The following SOX6 variants were observed in gnomAD, a reference collection of about 807,000 sequenced individuals.
SOX6 encodes the protein transcription factor SOX-6.
A neutral mutation model predicts 97.8 loss-of-function variants in SOX6; 11 were observed. That is an observed-to-expected ratio of 0.11 (90% CI 0.07 to 0.19). The LOEUF (loss-of-function observed/expected upper bound fraction) is 0.19, where lower values mean the gene tolerates loss of function less well. Among genes scored for constraint, SOX6 ranks in the 10% least tolerant of loss-of-function variants. The pLI is 1.00. For synonymous variants in SOX6, 360 were observed against 371.4 expected, an observed-to-expected ratio of 0.97 and a Z score of 0.35; for missense variants, 810 against 1,039.5, an observed-to-expected ratio of 0.78 and a Z score of 3.04.
intron 2 of SOX6, among the ~76,000 whole-genome samples, chr11:16,321,482 AT>A (rs144478799): frequency 0.046 from 7,060 of 151,896 alleles, 221 homozygotes; most frequent in Non-Finnish European, 0.074. Flanking sequence ...AAAGAGTACC[AT>A]TTTTTTTCTA....
intron 6 of SOX6, among the ~76,000 whole-genome samples, chr11:16,175,662 G>A (rs1418728417): frequency 6.6e-6 from 1 of 151,770 alleles, no homozygotes; most frequent in Non-Finnish European, 1.5e-5. Context: ...ATGTCTTAAA[G>A]TTTTAAAAAA....
chr11:16,390,434 G>T (rs1858138240), intron 1 of SOX6, among the ~76,000 whole-genome samples: 1 of 152,080 alleles, frequency 6.6e-6, no homozygotes, highest in Non-Finnish European at 1.5e-5. Context: ...GTCCATAGTT[G>T]TTACCCTCAC....
At chr11:16,624,184 TTTTA>T (rs142553542) in intron 3 of SOX6, among the ~76,000 whole-genome samples, 2 of 147,330 alleles carry the variant, frequency 1.4e-5, no homozygotes, top group African/African-American at 5.0e-5. Context: ...TATTTTTTTA[TTTTA>T]TTTATTTATT....
chr11:16,514,063 T>A (rs1565168161), intron 4 of SOX6, among the ~76,000 whole-genome samples: 1 of 151,940 alleles, frequency 6.6e-6, no homozygotes, highest in South Asian at 2.1e-4. Context: ...AAAATTATTT[T>A]AAATTAGCCA....
At chr11:16,321,150 T>C (rs567807941) in intron 2 of SOX6, among the ~76,000 whole-genome samples, 41 of 151,658 alleles carry the variant, frequency 2.7e-4, no homozygotes, top group Non-Finnish European at 5.1e-4. Context: ...AACCTCTTAA[T>C]AAAGTCCGTA....
chr11:16,325,732 T>C (rs1264738839), intron 2 of SOX6, among the ~76,000 whole-genome samples: 1 of 152,144 alleles, frequency 6.6e-6, no homozygotes, highest in Non-Finnish European at 1.5e-5. Context: ...AGATACTTAT[T>C]GCTATGGTTT....
intron 3 of SOX6, among the ~76,000 whole-genome samples, chr11:16,634,069 A>C (rs1234573418): frequency 1.3e-5 from 2 of 152,208 alleles, no homozygotes; most frequent in African/African-American, 4.8e-5. Flanking sequence ...CAGATGCTGA[A>C]ATTATCAGAC....
chr11:16,634,715 T>C (rs569424097), intron 3 of SOX6, among the ~76,000 whole-genome samples: 22 of 152,320 alleles, frequency 1.4e-4, no homozygotes, highest in African/African-American at 4.6e-4. Context: ...CATTGTAATG[T>C]TTAAATTTTT....
At chr11:16,291,590 A>G (rs1854921286) in intron 3 of SOX6, among the ~76,000 whole-genome samples, 1 of 151,898 alleles carries the variant, frequency 6.6e-6, no homozygotes, top group Non-Finnish European at 1.5e-5. Flanking sequence ...ATAATATAGG[A>G]CCTACATATG....
intron 1 of SOX6, among the ~76,000 whole-genome samples, chr11:16,449,453 C>T (rs1054644647): frequency 2.6e-5 from 4 of 151,710 alleles, no homozygotes; most frequent in Non-Finnish European, 5.9e-5. Flanking sequence ...CTACCATGCC[C>T]GGCTAATTTT....
chr11:16,562,970 C>A (rs899558757), intron 4 of SOX6, among the ~76,000 whole-genome samples: 22 of 152,148 alleles, frequency 1.4e-4, no homozygotes, highest in Non-Finnish European at 3.1e-4. Flanking sequence ...CTAGCTAAAA[C>A]AAGTTTACAA....
At chr11:16,135,948 C>T (rs889626502) in intron 6 of SOX6, among the ~76,000 whole-genome samples, 1 of 152,188 alleles carries the variant, frequency 6.6e-6, no homozygotes, top group Non-Finnish European at 1.5e-5. Flanking sequence ...TTAACAACCA[C>T]CACCCTGACC....
At chr11:16,637,014 C>G (rs1848799977) in intron 3 of SOX6, among the ~76,000 whole-genome samples, 1 of 152,100 alleles carries the variant, frequency 6.6e-6, no homozygotes, top group Non-Finnish European at 1.5e-5. Context: ...GTCCCCTTTT[C>G]CTCTGCTAGT....
chr11:16,368,320 A>G (rs1015179010), intron 1 of SOX6, among the ~76,000 whole-genome samples: 1 of 152,118 alleles, frequency 6.6e-6, no homozygotes, highest in Non-Finnish European at 1.5e-5. Flanking sequence ...CATCTCTACA[A>G]AAAATTCAAA....
intron 3 of SOX6, among the ~76,000 whole-genome samples, chr11:16,634,491 G>T (rs1326496247): frequency 6.6e-6 from 1 of 152,126 alleles, no homozygotes; most frequent in Non-Finnish European, 1.5e-5. Context: ...GTGAAAAATA[G>T]AAATTATTTG....
chr11:16,468,012 T>A (rs1380313551), intron 1 of SOX6, among the ~76,000 whole-genome samples: 2 of 152,222 alleles, frequency 1.3e-5, no homozygotes, highest in African/African-American at 4.8e-5. Flanking sequence ...ATGATTAAGC[T>A]TATCTTCTTG....
intron 4 of SOX6, among the ~76,000 whole-genome samples, chr11:16,545,914 C>T (rs899380309): frequency 2.6e-5 from 4 of 152,050 alleles, no homozygotes; most frequent in African/African-American, 9.7e-5. Flanking sequence ...ATCATGCCAT[C>T]GCACTCCAGC....
At chr11:16,209,522 G>C (rs946716947) in intron 4 of SOX6, among the ~76,000 whole-genome samples, 11 of 152,152 alleles carry the variant, frequency 7.2e-5, no homozygotes, top group African/African-American at 2.7e-4. Context: ...TTGGGAGGCC[G>C]AAGTGGGAGG....
rs1853239024 is a variant in SOX6, at chr11:15,969,365, AT to A, written c.*3443del. 6.6e-6 allele frequency: 1 copy of A among 152,302 alleles called. No homozygotes were observed. The highest frequency in any genetic ancestry group is 3.4e-3 in the Middle Eastern group (1 of 294). The allele number at this position is 152,302 out of a possible 1,614,324, so 9.4% of individuals were successfully genotyped here. On this transcript the variant is annotated 3_prime_UTR_variant, in exon 16 of 16. Coordinates refer to ENST00000683767, the MANE Select transcript of SOX6 (RefSeq NM_001367873.1). The stretch of plus-strand genomic sequence containing the variant: ...AATGGTCACAGAACTATCTTAGAAG[AT>A]TTATGTAGACTCCCAAAGCAAACTG...
Sources: gnomAD v4.1 joint callset for allele counts (sites outside exome capture counted in the v4.1 genomes callset) on GRCh38, gnomAD v4.1.1 for gene constraint, MANE v1.5 for transcripts, NCBI Gene and HGNC (gene_info 2026-07-23, HGNC 2026-07-21) for gene names.